Variants in ABHD2 observed in about 807,000 individuals in gnomAD.
ABHD2 encodes the protein abhydrolase domain containing 2, acylglycerol lipase.
Under a neutral mutation model 48.1 loss-of-function variants are expected in ABHD2, and 20 were observed. The observed-to-expected ratio is 0.42, with a 90% confidence interval of 0.29 to 0.60. The LOEUF (loss-of-function observed/expected upper bound fraction) is 0.60, where lower values mean the gene tolerates loss of function less well. Ranked by LOEUF, ABHD2 falls within the 20% of genes least tolerant of loss-of-function variation. The pLI is 0.24. For synonymous variants in ABHD2, 209 were observed against 214.2 expected (o/e 0.98, Z 0.21); for missense variants, 405 against 550.9 (o/e 0.74, Z 2.65).
intron 3 of ABHD2, among the ~76,000 whole-genome samples, chr15:89,150,425 C>G (rs186351185): frequency 1.3e-5 from 2 of 152,158 alleles, no homozygotes; most frequent in Non-Finnish European, 2.9e-5. Context: ...TAAATGCCTT[C>G]GCCTGCCTTC....
At chr15:89,085,476 C>T (rs1901334274), upstream of ABHD2, among the ~76,000 whole-genome samples, 1 of 151,952 alleles carries the variant, frequency 6.6e-6, no homozygotes, top group Admixed American at 6.6e-5. This position sits in a 1 kb window ranked among gnomAD's most constrained non-coding sequence, Gnocchi z 4.2. Flanking sequence ...AAACCAGAGA[C>T]AATTAAGGAA....
At chr15:89,055,323 C>CTTTTTTTTT in the ABHD2 span, among the ~76,000 whole-genome samples, 1 of 124,794 alleles carries the variant, frequency 8.0e-6, no homozygotes, top group Non-Finnish European at 1.7e-5. Flanking sequence ...ACACTAGTTT[C>CTTTTTTTTT]TTTTTTTTTT....
chr15:89,185,672 A>C lies in ABHD2; in HGVS notation c.815+156A>C. ...CTGCCTGCATTTGTGACTTGATTAGAAACAAACTTGTCTTGGCCAGGCGCG... is the reference window on the plus strand; with the variant it reads ...CTGCCTGCATTTGTGACTTGATTAGCAACAAACTTGTCTTGGCCAGGCGCG... On this transcript the variant is annotated intron_variant, in intron 7 of 10. Transcript: ENST00000352732. The surrounding 1 kb of genome is among the most constrained non-coding windows in gnomAD (Gnocchi z 5.9). Among the ~76,000 whole-genome samples, 1 of 152,052 alleles carries C rather than the reference A, an allele frequency of 6.6e-6. No individual in the cohort carries two copies.
chr15:89,158,362 G>T (rs1428596040), intron 5 of ABHD2, among the ~76,000 whole-genome samples: 2 of 152,222 alleles, frequency 1.3e-5, no homozygotes, highest in Non-Finnish European at 2.9e-5. Context: ...TATAGTCTAG[G>T]CCTCCCAGCT....
At chr15:89,096,193 A>G (rs2049610838) in intron 1 of ABHD2, among the ~76,000 whole-genome samples, 1 of 152,204 alleles carries the variant, frequency 6.6e-6, no homozygotes, top group Non-Finnish European at 1.5e-5. Flanking sequence ...CATTGTCTGC[A>G]GGTATTTCAG....
intron 3 of ABHD2, chr15:89,135,728 G>C: frequency 8.0e-7 from 1 of 1,245,718 alleles, no homozygotes. Context: ...CAGCTTCGCA[G>C]CCTTCTTTTT....
the ABHD2 span, among the ~76,000 whole-genome samples, chr15:89,081,874 T>A: frequency 6.6e-6 from 1 of 152,120 alleles, no homozygotes; most frequent in Non-Finnish European, 1.5e-5. Flanking sequence ...ATAAAAATAA[T>A]AAAATGTAAT....
intron 3 of ABHD2, among the ~76,000 whole-genome samples, chr15:89,122,700 C>G (rs79281043): frequency 3.3e-5 from 5 of 152,202 alleles, no homozygotes; most frequent in Non-Finnish European, 5.9e-5. Flanking sequence ...CACCAGGTCC[C>G]GGTTGGGAAG....
chr15:89,063,510 C>CCTCT, the ABHD2 span, among the ~76,000 whole-genome samples: 9 of 148,872 alleles, frequency 6.0e-5, no homozygotes, highest in East Asian at 1.6e-3. Flanking sequence ...CTAATCTCTG[C>CCTCT]CTCTCTCTCT....
chr15:89,189,810 C>T lies in ABHD2; in HGVS notation c.927-1270C>T, dbSNP rs1045420347. Among the ~76,000 whole-genome samples the T allele has an allele frequency of 2.6e-5, 4 of 152,044 alleles. No individual in the cohort carries two copies. The highest frequency in any genetic ancestry group is 9.7e-5 in the African/African-American group (4 of 41,372). ...GTAAGAAAAAACAAATTAAATTTCC[C>T]ATTCATCTCCTAAATTTTTTAAGCC... On this transcript the variant is annotated intron_variant, in intron 8 of 10. Transcript: ENST00000352732. The surrounding 1 kb of genome is among the most constrained non-coding windows in gnomAD (Gnocchi z 4.9).
At chr15:89,041,007 G>C in the ABHD2 span, among the ~76,000 whole-genome samples, 1 of 152,248 alleles carries the variant, frequency 6.6e-6, no homozygotes, top group African/African-American at 2.4e-5. Context: ...TAGGGCTCTA[G>C]CAAGAAGATG....
intron 1 of ABHD2, among the ~76,000 whole-genome samples, chr15:89,111,096 A>G (rs1010566002): frequency 1.3e-5 from 2 of 152,194 alleles, no homozygotes; most frequent in Non-Finnish European, 2.9e-5. Flanking sequence ...ATTAAAGCAT[A>G]ATCACATGCA....
At position 89,179,293 on chromosome 15, in the gene ABHD2, G is replaced by A. The variant is rs1296742858; in HGVS notation, c.722+3298G>A. 6.6e-6 allele frequency among the ~76,000 whole-genome samples: 1 copy of A among 152,148 alleles called. No individual in the cohort carries two copies. Among genetic ancestry groups the A allele is most frequent in the Non-Finnish European group, 1.5e-5 (1 of 68,030 alleles). On this transcript the variant is annotated intron_variant, in intron 6 of 10. Transcript: ENST00000352732. The surrounding 1 kb of genome is among the most constrained non-coding windows in gnomAD (Gnocchi z 4.3). ...GGTGAGCGGTGGGCAGGTCACAGTGGGCAAAGCAGTAGGGAAGCAGTGGGT... is the reference window on the plus strand; with the variant it reads ...GGTGAGCGGTGGGCAGGTCACAGTGAGCAAAGCAGTAGGGAAGCAGTGGGT...
chr15:89,147,630 G>A (rs1026785991), intron 3 of ABHD2, among the ~76,000 whole-genome samples: 2 of 151,618 alleles, frequency 1.3e-5, no homozygotes, highest in South Asian at 2.1e-4. Flanking sequence ...TGGGATTACA[G>A]GCGTGAGCCA....
chr15:89,154,546 T>C (rs2050641049), intron 4 of ABHD2, among the ~76,000 whole-genome samples: 1 of 152,234 alleles, frequency 6.6e-6, no homozygotes, highest in African/African-American at 2.4e-5. Flanking sequence ...TGGTACCCAC[T>C]CTCAAGGTTC....
chr15:89,071,900 T>C, the ABHD2 span, among the ~76,000 whole-genome samples: 1 of 152,214 alleles, frequency 6.6e-6, no homozygotes, highest in African/African-American at 2.4e-5. Context: ...AAGTGGTGCA[T>C]GCCACTTTCG....
intron 10 of ABHD2, chr15:89,193,579 C>T: frequency 2.0e-6 from 1 of 493,800 alleles, no homozygotes; most frequent in Non-Finnish European, 3.6e-6. Flanking sequence ...TTTGGGGAGT[C>T]ACTTGAGGTT....
At chr15:89,144,663 T>G (rs1174097017) in intron 3 of ABHD2, among the ~76,000 whole-genome samples, 1 of 152,054 alleles carries the variant, frequency 6.6e-6, no homozygotes, top group Non-Finnish European at 1.5e-5. Context: ...AGAGAGCAGA[T>G]TAGTGGTTGC....
At chr15:89,068,517 C>G in the ABHD2 span, among the ~76,000 whole-genome samples, 2 of 152,152 alleles carry the variant, frequency 1.3e-5, no homozygotes, top group East Asian at 1.9e-4. Context: ...GCTTTCAGCC[C>G]AAACACCTAC....
Sources: gnomAD v4.1 joint callset for allele counts (sites outside exome capture counted in the v4.1 genomes callset) on GRCh38, gnomAD v4.1.1 for gene constraint, Gnocchi (gnomAD v3.1) non-coding constraint, MANE v1.5 for transcripts, NCBI Gene and HGNC (gene_info 2026-07-23, HGNC 2026-07-21) for gene names.